Variants in TUBA4A observed in about 807,000 individuals in gnomAD.
TUBA4A encodes tubulin alpha 4a.
In TUBA4A, 23 loss-of-function variants were observed where a neutral mutation model predicts 34.3. The observed-to-expected ratio is 0.67, with a 90% CI of 0.48 to 0.95. The LOEUF (loss-of-function observed/expected upper bound fraction) is 0.95, where lower values mean the gene tolerates loss of function less well. Ranked by LOEUF, TUBA4A falls within the 40% of genes least tolerant of loss-of-function variation. The probability of loss-of-function intolerance (pLI) is 0.00; values close to 1 mark genes in which losing one functional copy is unlikely to be tolerated. For missense variants in TUBA4A, 279 were observed against 599.0 expected (o/e 0.47, Z 5.58); for synonymous variants, 216 against 230.5 (o/e 0.94, Z 0.57).
chr2:219,253,428 A>C, intron 1 of TUBA4A: 3 of 1,509,282 alleles, frequency 2.0e-6, no homozygotes, highest in Non-Finnish European at 2.7e-6. Context: ...AGGTAACCTG[A>C]CCCCTTCCAC....
chr2:219,254,636 A>C (rs7583584), upstream of TUBA4A: 145,037 of 152,340 alleles, frequency 0.95, 69,465 homozygotes, highest in East Asian at 1. Flanking sequence ...GCCCTCGCTG[A>C]GGGCACCTGC....
At position 219,251,760 on chromosome 2, in the gene TUBA4A, C is replaced by T; in HGVS notation, c.227-47G>A. 2 of 1,583,112 alleles carry T rather than the reference C, an allele frequency of 1.3e-6. No individual in the cohort carries two copies. Among genetic ancestry groups the T allele is most frequent in the Non-Finnish European group, 1.7e-6 (2 of 1,161,508 alleles). ...AGCTATGCTCAGCAGGGACCTTCCT[C>T]CCCCAGGGTGGTAGCTGTGGCCAGA... On this transcript the variant is annotated intron_variant, in intron 2 of 3. Transcript: ENST00000248437. This position sits in a 1 kb window ranked among gnomAD's most constrained non-coding sequence, Gnocchi z 6.1.
At chr2:219,253,279 G>A (rs1166030057) in intron 1 of TUBA4A, 4 of 1,499,250 alleles carry the variant, frequency 2.7e-6, no homozygotes, top group Middle Eastern at 1.9e-4. Flanking sequence ...TTCGGCTGGA[G>A]AGGGCCAGCT....
upstream of TUBA4A, chr2:219,254,382 C>T (rs1401765983): frequency 6.5e-6 from 1 of 152,740 alleles, no homozygotes; most frequent in Non-Finnish European, 1.5e-5. Flanking sequence ...GGCGCGTCCC[C>T]GGGGAGCCCT....
chr2:219,253,229 G>A, intron 1 of TUBA4A: 1 of 1,494,492 alleles, frequency 6.7e-7, no homozygotes, highest in East Asian at 2.5e-5. Context: ...CCCGCGCAGT[G>A]CTCAGCGCCA....
At chr2:219,253,273 G>A (rs1424578819) in intron 1 of TUBA4A, 1 of 1,493,810 alleles carries the variant, frequency 6.7e-7, no homozygotes, top group East Asian at 2.5e-5. Flanking sequence ...CCGGGCTTCG[G>A]CTGGAGAGGG....
rs1049884581 is a variant in TUBA4A, at chr2:219,250,226, C to G, written c.*126G>C. On this transcript the variant is annotated 3_prime_UTR_variant, in exon 4 of 4. Coordinates refer to ENST00000248437, the MANE Select transcript of TUBA4A (RefSeq NM_006000.3). The surrounding 1 kb of genome is among the most constrained non-coding windows in gnomAD (Gnocchi z 8.4). ...GGGTCATGAACAGCAAACAGAGCAG[C>G]AGCAGCATGAAGGGGAAGGCAGCAG... is the stretch of plus-strand genomic sequence containing the variant. 29 of 1,351,948 alleles carry G rather than the reference C, an allele frequency of 2.1e-5. No individual in the cohort carries two copies. The highest frequency in any genetic ancestry group is 3.0e-5 in the Non-Finnish European group (29 of 982,420). 83.7% of individuals were successfully genotyped at this position (1,351,948 alleles called of 1,614,324 possible).
At position 219,251,460 on chromosome 2, in the gene TUBA4A, G is replaced by C. The variant is rs916819282; in HGVS notation, c.375+105C>G. 1.9e-6 allele frequency: 3 copies of C among 1,540,578 alleles called. No homozygotes were observed. Among genetic ancestry groups the C allele is most frequent in the South Asian group, 2.5e-5 (2 of 80,392 alleles). On this transcript the variant is annotated intron_variant, in intron 3 of 3. Transcript: ENST00000248437. The surrounding 1 kb of genome is among the most constrained non-coding windows in gnomAD (Gnocchi z 6.1). Reference sequence around the variant, plus strand: ...GATGCCATAGCAGCACCACACTCGAGACCATGTATAGTTAGAGATGACCTC... The same window carrying C: ...GATGCCATAGCAGCACCACACTCGACACCATGTATAGTTAGAGATGACCTC...
rs1951655129 is a variant in TUBA4A, at chr2:219,251,945, TCTCCAGGGAGAAG to T, written c.226+50_226+62del. The stretch of plus-strand genomic sequence containing the variant: ...GAATGCCTGGTCTAAATACCCTCTC[TCTCCAGGGAGAAG>T]CTTTGAGTCATGCTCCACCCCCTTC... On this transcript the variant is annotated intron_variant, in intron 2 of 3. Coordinates refer to ENST00000248437, the MANE Select transcript of TUBA4A (RefSeq NM_006000.3). The surrounding 1 kb of genome is among the most constrained non-coding windows in gnomAD (Gnocchi z 6.1). 6.5e-7 allele frequency: 1 copy of T among 1,542,862 alleles called. No individual in the cohort carries two copies. The highest frequency in any genetic ancestry group is 8.9e-7 in the Non-Finnish European group (1 of 1,121,030).
In TUBA4A at chr2:219,251,873, G is replaced by T; in HGVS notation, c.226+135C>A. 7.5e-7 allele frequency: 1 copy of T among 1,339,458 alleles called. No individual in the cohort carries two copies. The highest frequency in any genetic ancestry group is 1.0e-6 in the Non-Finnish European group (1 of 972,234). 83.0% of individuals were successfully genotyped at this position (1,339,458 alleles called of 1,614,324 possible). ...AGCTGCCCAGGCCAGTCTCAGATCA[G>T]CTTGCCTTCTGCAGCTTCAAGTACG... On this transcript the variant is annotated intron_variant, in intron 2 of 3. Coordinates refer to ENST00000248437, the MANE Select transcript of TUBA4A (RefSeq NM_006000.3). This position sits in a 1 kb window ranked among gnomAD's most constrained non-coding sequence, Gnocchi z 6.1.
In TUBA4A at chr2:219,251,453, C is replaced by T. The variant is rs2125069808; in HGVS notation, c.375+112G>A. On this transcript the variant is annotated intron_variant, in intron 3 of 3. Coordinates refer to ENST00000248437, the MANE Select transcript of TUBA4A (RefSeq NM_006000.3). This position sits in a 1 kb window ranked among gnomAD's most constrained non-coding sequence, Gnocchi z 6.1. ...TACTGAGGATGCCATAGCAGCACCA[C>T]ACTCGAGACCATGTATAGTTAGAGA... 2 of 1,536,208 alleles carry T rather than the reference C, an allele frequency of 1.3e-6. No individual in the cohort carries two copies. Among genetic ancestry groups the T allele is most frequent in the Non-Finnish European group, 1.8e-6 (2 of 1,135,554 alleles).
chr2:219,253,180 T>C, intron 1 of TUBA4A: 1 of 1,510,462 alleles, frequency 6.6e-7, no homozygotes, highest in South Asian at 1.3e-5. Context: ...TACCACCCCC[T>C]ACATGCACCT....
In TUBA4A at chr2:219,251,852, G is replaced by T; in HGVS notation, c.227-139C>A. ...AGTGTGAGAGAAACCCAGACCAGCT[G>T]CCCAGGCCAGTCTCAGATCAGCTTG... On this transcript the variant is annotated intron_variant, in intron 2 of 3. Coordinates refer to ENST00000248437, the MANE Select transcript of TUBA4A (RefSeq NM_006000.3). The surrounding 1 kb of genome is among the most constrained non-coding windows in gnomAD (Gnocchi z 6.1). The T allele has an allele frequency of 1.5e-6, 2 of 1,361,928 alleles. No individual in the cohort carries two copies. Among genetic ancestry groups the T allele is most frequent in the African/African-American group, 1.4e-5 (1 of 69,116 alleles). The allele number at this position is 1,361,928 out of a possible 1,614,324, so 84.4% of individuals were successfully genotyped here.
In TUBA4A at chr2:219,250,767, T is replaced by C; in HGVS notation, c.932A>G (p.Lys311Arg). ...GTACAGCAGGCAGCAGGCCATGTAC[T>C]TGCCGTGCCGGGGATCACACTTTAC... ...QMVKCDPRHGKYMACCLLYRG... is the reference protein window; with the variant it reads ...QMVKCDPRHGRYMACCLLYRG... The change falls in exon 4 of 4, where the codon AAG becomes AGG. Residue 311 changes from lysine to arginine, a missense_variant. Physicochemically the swap from Lys to Arg is conservative, Grantham distance 26. Coordinates refer to ENST00000248437, the MANE Select transcript of TUBA4A (RefSeq NM_006000.3). This position sits in a 1 kb window ranked among gnomAD's most constrained non-coding sequence, Gnocchi z 8.4. The C allele has an allele frequency of 6.2e-7, 1 of 1,614,236 alleles. No individual in the cohort carries two copies. Among genetic ancestry groups the C allele is most frequent in the Non-Finnish European group, 8.5e-7 (1 of 1,180,034 alleles).
Position 219,251,423 on chromosome 2 carries a change from G to A in TUBA4A, c.376-100C>T, listed in dbSNP as rs1310165731. The A allele has an allele frequency of 2.6e-6, 4 of 1,536,598 alleles. No individual in the cohort carries two copies. The highest frequency in any genetic ancestry group is 2.8e-5 in the African/African-American group (2 of 72,678). On this transcript the variant is annotated intron_variant, in intron 3 of 3. Coordinates refer to ENST00000248437, the MANE Select transcript of TUBA4A (RefSeq NM_006000.3). The surrounding 1 kb of genome is among the most constrained non-coding windows in gnomAD (Gnocchi z 6.1). ...AGCGTAAGATACATCAGCAGTCAGG[G>A]CAAATACTGAGGATGCCATAGCAGC...
At chr2:219,253,255 C>T in intron 1 of TUBA4A, 1 of 1,493,282 alleles carries the variant, frequency 6.7e-7, no homozygotes, top group Admixed American at 2.1e-5. Flanking sequence ...CTCTGCCCAT[C>T]CGCGCACCCG....
Position 219,251,457 on chromosome 2 carries a change from C to G in TUBA4A, c.375+108G>C, listed in dbSNP as rs992360477. ...GAGGATGCCATAGCAGCACCACACT[C>G]GAGACCATGTATAGTTAGAGATGAC... On this transcript the variant is annotated intron_variant, in intron 3 of 3. Coordinates refer to ENST00000248437, the MANE Select transcript of TUBA4A (RefSeq NM_006000.3). The surrounding 1 kb of genome is among the most constrained non-coding windows in gnomAD (Gnocchi z 6.1). 1 of 1,539,436 alleles carries G rather than the reference C, an allele frequency of 6.5e-7. No homozygotes were observed. The highest frequency in any genetic ancestry group is 1.9e-5 in the Admixed American group (1 of 53,040).
chr2:219,252,705 C>A lies in TUBA4A; in HGVS notation c.4-475G>T. 2.2e-6 allele frequency: 1 copy of A among 452,144 alleles called. No homozygotes were observed. Among genetic ancestry groups the A allele is most frequent in the Non-Finnish European group, 4.7e-6 (1 of 213,924 alleles). 28.0% of individuals were successfully genotyped at this position (452,144 alleles called of 1,614,324 possible). On this transcript the variant is annotated intron_variant, in intron 1 of 3. Transcript: ENST00000248437. This position sits in a 1 kb window ranked among gnomAD's most constrained non-coding sequence, Gnocchi z 4.1. ...ATGCCCTCCTCCCTCACCTTTAAAT[C>A]CCATCTGGCTCTGGGGATCAATCCC...
chr2:219,252,547 C>CA lies in TUBA4A; in HGVS notation c.4-318_4-317insT, dbSNP rs60874673. 0.017 allele frequency among the ~76,000 whole-genome samples: 2,499 copies of CA among 151,268 alleles called. 78 individuals carry two copies. Among genetic ancestry groups the CA allele is most frequent in the African/African-American group, 0.056 (2,309 of 41,218 alleles). Reference sequence around the variant, plus strand: ...ATGGGTTTACAGCTAGAGGCCCCCCCCCCACTTGATTAATTATTTGCTTTG... The same window carrying CA: ...ATGGGTTTACAGCTAGAGGCCCCCCCACCCACTTGATTAATTATTTGCTTTG... On this transcript the variant is annotated intron_variant, in intron 1 of 3. Coordinates refer to ENST00000248437, the MANE Select transcript of TUBA4A (RefSeq NM_006000.3). This position sits in a 1 kb window ranked among gnomAD's most constrained non-coding sequence, Gnocchi z 4.1.
Sources: allele counts gnomAD v4.1 joint callset (sites outside exome capture counted in the v4.1 genomes callset), GRCh38; gene constraint gnomAD v4.1.1; non-coding constraint Gnocchi (gnomAD v3.1); transcripts MANE v1.5; gene names NCBI Gene and HGNC (gene_info 2026-07-23, HGNC 2026-07-21).